ITGB5: variants seen among roughly 807,000 people sequenced by gnomAD.
ITGB5 encodes integrin subunit beta 5.
A neutral mutation model predicts 84.8 loss-of-function variants in ITGB5; 38 were observed. The observed-to-expected ratio is 0.45, with a 90% CI of 0.35 to 0.59. The LOEUF is 0.59. Among genes scored for constraint, ITGB5 ranks in the 20% least tolerant of loss-of-function variants. The pLI, the probability that ITGB5 is intolerant of heterozygous loss-of-function variation, is 0.01. For synonymous variants in ITGB5, 393 were observed against 414.4 expected (o/e 0.95, Z 0.63); for missense variants, 905 against 1,034.5 (o/e 0.87, Z 1.72).
chr3:124,859,287 C>T lies in ITGB5; in HGVS notation c.316G>A (p.Val106Ile), dbSNP rs201900103. ...SKGSGSAGWDVIQMTPQEIAV... is the reference protein window; with the variant it reads ...SKGSGSAGWDIIQMTPQEIAV... The stretch of plus-strand genomic sequence containing the variant: ...ATCTCCTGTGGTGTCATCTGAATGA[C>T]GTCCCAGCCTGCAGAGCCCGAACCC... Residue 106 changes from valine to isoleucine, a missense_variant, in exon 3 of 15, where the codon GTC becomes ATC. By Grantham distance (29) the Val-to-Ile change is conservative (BLOSUM62 3). This residue lies in a region of ITGB5 where 656 missense variants were observed against 734.7 expected (regional missense o/e 0.89). Transcript: ENST00000296181. 174 of 1,613,982 alleles carry T rather than the reference C, an allele frequency of 1.1e-4. No homozygotes were observed. The highest frequency in any genetic ancestry group is 8.9e-5 in the Non-Finnish European group (105 of 1,180,040).
intron 5 of ITGB5, among the ~76,000 whole-genome samples, chr3:124,825,541 C>T (rs2064773364): frequency 6.6e-6 from 1 of 152,052 alleles, no homozygotes; most frequent in Non-Finnish European, 1.5e-5. Context: ...GATAACACAC[C>T]ACAACATGGA....
chr3:124,864,096 CTTTTTTTT>C (rs558311822), intron 2 of ITGB5, among the ~76,000 whole-genome samples: 20 of 45,468 alleles, frequency 4.4e-4, no homozygotes, highest in Non-Finnish European at 8.6e-4. Context: ...ACCTATATTT[CTTTTTTTT>C]TTTTTTTTTT....
At position 124,886,940 on chromosome 3, in the gene ITGB5, G is replaced by C; in HGVS notation, c.61C>G (p.Arg21Gly). 5.0e-6 allele frequency: 6 copies of C among 1,211,572 alleles called. No homozygotes were observed. Among genetic ancestry groups the C allele is most frequent in the Non-Finnish European group, 6.2e-6 (6 of 974,974 alleles). 75.1% of individuals were successfully genotyped at this position (1,211,572 alleles called of 1,614,324 possible). The change falls in exon 1 of 15, where the codon CGG (arginine) becomes GGG (glycine). Residue 21 changes from arginine (R) to glycine (G), a missense_variant. Physicochemically the swap from Arg to Gly is moderately radical, Grantham distance 125. Around this residue, in one of 3 missense-constraint regions of ITGB5, gnomAD observed 656 missense variants for 734.7 expected, o/e 0.89. Transcript: ENST00000296181. ...CLLGLCALLP[R>G]LAGLNICTSG... ...GGGCGGCGCGGCTTACCTGCGAGCCGGGGCAGGAGCGCGCAGAGCCCCAGG... is the reference window on the plus strand; with the variant it reads ...GGGCGGCGCGGCTTACCTGCGAGCCCGGGCAGGAGCGCGCAGAGCCCCAGG...
chr3:124,848,195 G>T, intron 4 of ITGB5, 114 bp downstream of exon 4: 1 of 1,244,290 alleles, frequency 8.0e-7, no homozygotes. Flanking sequence ...AAACGCCTAA[G>T]CCTGGCCACC....
intron 9 of ITGB5, among the ~76,000 whole-genome samples, chr3:124,798,717 C>T (rs1380592795): frequency 2.6e-5 from 4 of 152,204 alleles, no homozygotes; most frequent in Non-Finnish European, 4.4e-5. Context: ...TGAGCCACTG[C>T]GCCCGGCCCA....
chr3:124,819,691 C>T (rs775068541), intron 7 of ITGB5, 48 bp downstream of exon 7: 1 of 1,348,858 alleles, frequency 7.4e-7, no homozygotes, highest in East Asian at 2.3e-5. Flanking sequence ...CACTCCTCAC[C>T]ACCCACTTCA....
At chr3:124,814,041 G>A (rs1485155376) in intron 8 of ITGB5, among the ~76,000 whole-genome samples, 5 of 152,238 alleles carry the variant, frequency 3.3e-5, no homozygotes, top group South Asian at 2.1e-4. Flanking sequence ...GGGAACCAGC[G>A]TTAAAGACCA....
At chr3:124,900,882 C>A (rs1269024753) in intron 1 of ITGB5, among the ~76,000 whole-genome samples, 3 of 152,080 alleles carry the variant, frequency 2.0e-5, no homozygotes, top group African/African-American at 7.2e-5. Flanking sequence ...AAACTTTATG[C>A]ACCATTAATA....
At chr3:124,821,217 G>A in intron 6 of ITGB5, 96 bp downstream of exon 6, 3 of 1,344,986 alleles carry the variant, frequency 2.2e-6, no homozygotes, top group Non-Finnish European at 2.1e-6. Flanking sequence ...AATACTGAGG[G>A]CCAGAGGAAG....
At chr3:124,881,377 C>T (rs549917909) in intron 1 of ITGB5, among the ~76,000 whole-genome samples, 223 of 152,200 alleles carry the variant, frequency 1.5e-3, no homozygotes, top group Non-Finnish European at 2.0e-3. Flanking sequence ...GTGTCAGGGA[C>T]ACAGGTAAAT....
At chr3:124,770,804 A>G (rs2063831299) in intron 11 of ITGB5, among the ~76,000 whole-genome samples, 1 of 152,220 alleles carries the variant, frequency 6.6e-6, no homozygotes, top group African/African-American at 2.4e-5. Context: ...CCACAGTCAC[A>G]GCCCCGGAAG....
chr3:124,823,384 C>T (rs553712451), intron 5 of ITGB5, among the ~76,000 whole-genome samples: 15 of 152,034 alleles, frequency 9.9e-5, no homozygotes, highest in African/African-American at 3.1e-4. Flanking sequence ...CTAACAGAAG[C>T]TCAGAGGGGA....
At chr3:124,865,323 C>G (rs564086438) in intron 2 of ITGB5, among the ~76,000 whole-genome samples, 1 of 152,050 alleles carries the variant, frequency 6.6e-6, no homozygotes, top group African/African-American at 2.4e-5. Context: ...CACAACACAA[C>G]TGCTTGCAGA....
intron 5 of ITGB5, among the ~76,000 whole-genome samples, chr3:124,834,301 T>G (rs1299495769): frequency 6.6e-6 from 1 of 151,654 alleles, no homozygotes; most frequent in Non-Finnish European, 1.5e-5. Flanking sequence ...ATGCTGATGG[T>G]GGGGGAGGTT....
In ITGB5 at chr3:124,762,672, A is replaced by G. The variant is rs940660465; in HGVS notation, c.*951T>C. On this transcript the variant is annotated 3_prime_UTR_variant, in exon 15 of 15. Coordinates refer to ENST00000296181, the MANE Select transcript of ITGB5 (RefSeq NM_002213.5). Reference sequence around the variant, plus strand: ...CAACCCTTGCTTGTCTGTACAATCTATTTCCAGCCTCAGCCCCTCAGAACA... The same window carrying G: ...CAACCCTTGCTTGTCTGTACAATCTGTTTCCAGCCTCAGCCCCTCAGAACA... 1.4e-5 allele frequency: 2 copies of G among 140,874 alleles called. No homozygotes were observed. The highest frequency in any genetic ancestry group is 1.6e-5 in the Non-Finnish European group (1 of 64,008). The allele number at this position is 140,874 out of a possible 1,614,324, so 8.7% of individuals were successfully genotyped here.
intron 13 of ITGB5, 34 bp from the exon 14 acceptor site, chr3:124,764,591 C>A: frequency 6.3e-7 from 1 of 1,583,804 alleles, no homozygotes; most frequent in East Asian, 2.3e-5. Flanking sequence ...AGCAAAGCCA[C>A]TAGCATCACC....
At chr3:124,849,593 G>GA (rs1477845422) in intron 3 of ITGB5, among the ~76,000 whole-genome samples, 1 of 151,692 alleles carries the variant, frequency 6.6e-6, no homozygotes, top group Non-Finnish European at 1.5e-5. Context: ...TAGCTCTATC[G>GA]AAAAAAGAAA....
At chr3:124,869,797 A>G (rs935300036) in intron 2 of ITGB5, among the ~76,000 whole-genome samples, 1 of 152,170 alleles carries the variant, frequency 6.6e-6, no homozygotes, top group South Asian at 2.1e-4. Flanking sequence ...GGTGATAACA[A>G]GCTCCTAGGG....
chr3:124,801,193 T>C (rs930174173), intron 9 of ITGB5, among the ~76,000 whole-genome samples: 2 of 152,208 alleles, frequency 1.3e-5, no homozygotes, highest in Non-Finnish European at 2.9e-5. Flanking sequence ...GGCTGCTTTG[T>C]GCTGGGCGTC....
Sources: gnomAD v4.1 joint callset for allele counts (sites outside exome capture counted in the v4.1 genomes callset) on GRCh38, gnomAD v4.1.1 for gene constraint, gnomAD v4.1.1 regional missense constraint, MANE v1.5 for transcripts, NCBI Gene and HGNC (gene_info 2026-07-23, HGNC 2026-07-21) for gene names.